The following RNF126 variants were observed in gnomAD, a reference collection of about 807,000 sequenced individuals.
RNF126 encodes the protein ring finger protein 126, also known as E3 ubiquitin-protein ligase RNF126.
In RNF126, 20 loss-of-function variants were observed where a neutral mutation model predicts 41.9. That is an observed-to-expected ratio of 0.48 (90% CI 0.34 to 0.69). The LOEUF is 0.69. Among genes scored for constraint, RNF126 ranks in the 30% least tolerant of loss-of-function variants. The pLI is 0.01. For missense variants in RNF126, 433 were observed against 460.6 expected (o/e 0.94, Z 0.55); for synonymous variants, 239 against 202.9 (o/e 1.18, Z -1.51).
rs562228298 is a variant in RNF126, at chr19:659,248, CAGG to C, written c.75+3796_75+3798del. ...ACTCGGGCCAGGCCGCCGCAGGGACCAGGAGAAGACAGGGTGGGCCGGGGGGCA... is the reference window on the plus strand; with the variant it reads ...ACTCGGGCCAGGCCGCCGCAGGGACCAGAAGACAGGGTGGGCCGGGGGGCA... On this transcript the variant is annotated intron_variant, in intron 1 of 8. Coordinates refer to ENST00000292363, the MANE Select transcript of RNF126 (RefSeq NM_194460.3). The surrounding 1 kb of genome is among the most constrained non-coding windows in gnomAD (Gnocchi z 4.9). Among the ~76,000 whole-genome samples the C allele has an allele frequency of 9.2e-5, 14 of 152,266 alleles. No individual in the cohort carries two copies. In the East Asian group the frequency reaches 1.4e-3, roughly 15 times the overall value.
At chr19:651,541 G>A in intron 4 of RNF126, 70 bp downstream of exon 4, 2 of 1,350,374 alleles carry the variant, frequency 1.5e-6, no homozygotes, top group Non-Finnish European at 1.9e-6. Flanking sequence ...AACCCGTGCT[G>A]GATTCTAAGC....
At chr19:656,641 G>A (rs1462483875) in intron 1 of RNF126, among the ~76,000 whole-genome samples, 2 of 152,054 alleles carry the variant, frequency 1.3e-5, no homozygotes, top group African/African-American at 4.8e-5. Flanking sequence ...GAGTGAGACC[G>A]TGTCAGAAAA....
intron 1 of RNF126, among the ~76,000 whole-genome samples, chr19:653,166 C>G (rs1162563665): frequency 6.7e-6 from 1 of 150,270 alleles, no homozygotes; most frequent in East Asian, 1.9e-4. Flanking sequence ...TGGCTGAGCC[C>G]CTCCGACCTG....
intron 3 of RNF126, 85 bp from the exon 4 acceptor site, chr19:651,940 A>G (rs1471428183): frequency 7.7e-7 from 1 of 1,304,752 alleles, no homozygotes; most frequent in Non-Finnish European, 1.1e-6. Flanking sequence ...CAAAGGAGAA[A>G]GCAAGACGGG....
intron 4 of RNF126, 60 bp from the exon 5 acceptor site, chr19:650,356 G>T: frequency 1.4e-6 from 2 of 1,481,110 alleles, no homozygotes; most frequent in African/African-American, 1.4e-5. Flanking sequence ...GAGGCGCCAG[G>T]CCTGCCAGGT....
chr19:650,580 G>T (rs866402960), intron 4 of RNF126: 31 of 218,070 alleles, frequency 1.4e-4, no homozygotes, highest in African/African-American at 8.0e-4. Context: ...ACCACTCTCG[G>T]CTACTTTTTT....
At position 650,369 on chromosome 19, in the gene RNF126, G is replaced by A. The variant is rs186811734; in HGVS notation, c.444-73C>T. The A allele has an allele frequency of 1.1e-3, 1,542 of 1,358,892 alleles. 9 individuals are homozygous for A. In the South Asian group the frequency reaches 0.012, roughly 11 times the overall value. 84.2% of individuals were successfully genotyped at this position (1,358,892 alleles called of 1,614,324 possible). On this transcript the variant is annotated intron_variant, in intron 4 of 8. Transcript: ENST00000292363. ...GAGAGGCGCCAGGCCTGCCAGGTCC[G>A]TGGTGAGCACCAAGGGCAGGGCCAG...
intron 7 of RNF126, 27 bp downstream of exon 7, chr19:648,855 A>T (rs2030114615): frequency 7.4e-7 from 1 of 1,344,992 alleles, no homozygotes; most frequent in Admixed American, 2.6e-5. Flanking sequence ...TGTAATTCCC[A>T]CTACTCGGGA....
chr19:648,917 G>A lies in RNF126; in HGVS notation c.635C>T (p.Ala212Val). The A allele has an allele frequency of 1.4e-6, 2 of 1,425,188 alleles. No individual in the cohort carries two copies. Among genetic ancestry groups the A allele is most frequent in the Non-Finnish European group, 9.2e-7 (1 of 1,087,956 alleles). The allele number at this position is 1,425,188 out of a possible 1,614,324, so 88.3% of individuals were successfully genotyped here. A position where few individuals can be genotyped will look rare whatever the true frequency, so the allele number is the denominator to read the frequency against. The change falls in exon 7 of 9, where the codon GCC becomes GTC. Residue 212 changes from alanine to valine, a missense_variant. Ala to Val is a moderately conservative substitution (Grantham distance 64). Around this residue, in one of 5 missense-constraint regions of RNF126, gnomAD observed 97 missense variants for 121.7 expected, o/e 0.80. Coordinates refer to ENST00000292363, the MANE Select transcript of RNF126 (RefSeq NM_194460.3). The stretch of plus-strand genomic sequence containing the variant: ...CTCAGTGACGGGGACGGTGGGGAGG[G>A]CCTGGATTTTCTCTTTATCTGCCGG... ...PPPADKEKIQALPTVPVTEEH... is the reference protein window; with the variant it reads ...PPPADKEKIQVLPTVPVTEEH...
chr19:660,254 G>A (rs1391932259), intron 1 of RNF126, among the ~76,000 whole-genome samples: 1 of 152,256 alleles, frequency 6.6e-6, no homozygotes, highest in Admixed American at 6.5e-5. Flanking sequence ...AACCCACTTG[G>A]CAGGTGAGGA....
intron 1 of RNF126, 113 bp from the exon 2 acceptor site, chr19:652,997 C>G: frequency 9.9e-7 from 1 of 1,013,872 alleles, no homozygotes; most frequent in South Asian, 1.4e-5. Flanking sequence ...TGGCCAGGCA[C>G]ACGCAGGCCA....
At chr19:660,533 T>G (rs910542114) in intron 1 of RNF126, among the ~76,000 whole-genome samples, 13 of 152,162 alleles carry the variant, frequency 8.5e-5, no homozygotes, top group Non-Finnish European at 1.2e-4. Context: ...AGACGCCCCG[T>G]TTCGAGGGCA....
chr19:649,185 C>T (rs562596864), intron 6 of RNF126: 30 of 193,502 alleles, frequency 1.6e-4, no homozygotes, highest in Middle Eastern at 1.8e-3. Context: ...GGGGAATGGG[C>T]GGAGGCCCGC....
Position 647,982 on chromosome 19 carries a change from C to G in RNF126, c.*146G>C, listed in dbSNP as rs2030040597. The G allele has an allele frequency of 2.9e-6, 3 of 1,038,964 alleles. No individual in the cohort carries two copies. The highest frequency in any genetic ancestry group is 2.9e-5 in the Admixed American group (1 of 34,162). The allele number at this position is 1,038,964 out of a possible 1,614,324, so 64.4% of individuals were successfully genotyped here. A position where few individuals can be genotyped will look rare whatever the true frequency, so the allele number is the denominator to read the frequency against. On this transcript the variant is annotated 3_prime_UTR_variant, in exon 9 of 9. Coordinates refer to ENST00000292363, the MANE Select transcript of RNF126 (RefSeq NM_194460.3). ...AAGCCAGGGGGCCGGTGGGCCGGGCCCGGGTCCTGCCCTGGAACAGGCGGG... is the reference window on the plus strand; with the variant it reads ...AAGCCAGGGGGCCGGTGGGCCGGGCGCGGGTCCTGCCCTGGAACAGGCGGG...
rs1377642989 is a variant in RNF126 at position 663,149 on chromosome 19, C to G, written c.-28G>C. 1.8e-6 allele frequency: 2 copies of G among 1,138,232 alleles called. No homozygotes were observed. The highest frequency in any genetic ancestry group is 2.2e-6 in the Non-Finnish European group (2 of 917,454). The allele number at this position is 1,138,232 out of a possible 1,614,324, so 70.5% of individuals were successfully genotyped here. A position where few individuals can be genotyped will look rare whatever the true frequency, so the allele number is the denominator to read the frequency against. The stretch of plus-strand genomic sequence containing the variant: ...CCGCCGCCACCTACTCCGCGCCGCC[C>G]GCCCCCCGCGCGGCACCCGCCGCCG... On this transcript the variant is annotated 5_prime_UTR_variant, in exon 1 of 9. Transcript: ENST00000292363.
chr19:660,447 C>T (rs1015844080), intron 1 of RNF126, among the ~76,000 whole-genome samples: 1 of 152,186 alleles, frequency 6.6e-6, no homozygotes, highest in Non-Finnish European at 1.5e-5. Context: ...AGGAGCTTCC[C>T]GACAGCCAGC....
chr19:663,139 C>G lies in RNF126; in HGVS notation c.-18G>C. 2 of 1,185,116 alleles carry G rather than the reference C, an allele frequency of 1.7e-6. No homozygotes were observed. Among genetic ancestry groups the G allele is most frequent in the Non-Finnish European group, 1.0e-6 (1 of 952,916 alleles). The allele number at this position is 1,185,116 out of a possible 1,614,324, so 73.4% of individuals were successfully genotyped here. A position where few individuals can be genotyped will look rare whatever the true frequency, so the allele number is the denominator to read the frequency against. On this transcript the variant is annotated 5_prime_UTR_variant, in exon 1 of 9. Transcript: ENST00000292363. ...TCGGCCATGGCCGCCGCCACCTACT[C>G]CGCGCCGCCCGCCCCCCGCGCGGCA...
chr19:652,628 C>T (rs117231919), intron 2 of RNF126, 198 bp downstream of exon 2: 28,478 of 618,024 alleles, frequency 0.046, 839 homozygotes, highest in Middle Eastern at 0.064. Flanking sequence ...TGCCGGCACT[C>T]CCCTCTGGCC....
At chr19:655,706 A>G (rs2030534204) in intron 1 of RNF126, among the ~76,000 whole-genome samples, 1 of 152,166 alleles carries the variant, frequency 6.6e-6, no homozygotes, top group Non-Finnish European at 1.5e-5. Context: ...CGCAGACCCC[A>G]GAGAAACGAA....
Sources: gnomAD v4.1 joint callset for allele counts (sites outside exome capture counted in the v4.1 genomes callset) on GRCh38, gnomAD v4.1.1 for gene constraint, gnomAD v4.1.1 regional missense constraint, Gnocchi (gnomAD v3.1) non-coding constraint, MANE v1.5 for transcripts, NCBI Gene and HGNC (gene_info 2026-07-23, HGNC 2026-07-21) for gene names.